Variants in CREB5 observed in about 807,000 individuals in gnomAD.
CREB5 encodes cyclic AMP-responsive element-binding protein 5.
In CREB5, 19 loss-of-function variants were observed where a neutral mutation model predicts 57.1. The observed-to-expected ratio is 0.33, with a 90% CI of 0.23 to 0.49. The LOEUF (loss-of-function observed/expected upper bound fraction) is 0.49. Among genes scored for constraint, CREB5 ranks in the 20% least tolerant of loss-of-function variants. The probability of loss-of-function intolerance (pLI) is 0.99; values close to 1 mark genes in which losing one functional copy is unlikely to be tolerated. For missense variants in CREB5, 579 were observed against 671.6 expected (o/e 0.86, Z 1.52); for synonymous variants, 238 against 238.3 (o/e 1.00, Z 0.01).
chr7:28,456,233 A>G (rs1456927295), intron 1 of CREB5, among the ~76,000 whole-genome samples: 1 of 63,918 alleles, frequency 1.6e-5, no homozygotes, highest in Admixed American at 1.6e-4. Flanking sequence ...AAAGGCTGAG[A>G]GGATTGATTT....
At chr7:28,742,858 T>C (rs1312267551) in intron 7 of CREB5, among the ~76,000 whole-genome samples, 2 of 152,128 alleles carry the variant, frequency 1.3e-5, no homozygotes, top group Non-Finnish European at 2.9e-5. Context: ...TCTTGGCTCA[T>C]TGCAACCTCT....
chr7:28,364,466 TCA>T (rs1786549191), intron 1 of CREB5, among the ~76,000 whole-genome samples: 2 of 152,350 alleles, frequency 1.3e-5, no homozygotes, highest in South Asian at 4.2e-4. Flanking sequence ...AGCTAAATCC[TCA>T]GGACTTTAGA....
Position 28,560,987 on chromosome 7 carries a change from T to TGTGCGTGTGTGCGCGTGTGTGCGCGTGC in CREB5, c.292-9375_292-9374insCGTGTGTGCGCGTGTGTGCGCGTGCGTG, listed in dbSNP as rs1795231560. On this transcript the variant is annotated intron_variant, in intron 4 of 10. Coordinates refer to ENST00000357727, the MANE Select transcript of CREB5 (RefSeq NM_182898.4). Reference sequence around the variant, plus strand: ...GTGTGTGTGTGCGTGTGTGCGTGCGTGTGTGTGCCTGCGTGTGCGTGTGTG... The same window carrying TGTGCGTGTGTGCGCGTGTGTGCGCGTGC: ...GTGTGTGTGTGCGTGTGTGCGTGCGTGTGCGTGTGTGCGCGTGTGTGCGCGTGCGTGTGTGCCTGCGTGTGCGTGTGTG... 1.2e-3 allele frequency among the ~76,000 whole-genome samples: 79 copies of TGTGCGTGTGTGCGCGTGTGTGCGCGTGC among 64,490 alleles called. 13 individuals are homozygous for TGTGCGTGTGTGCGCGTGTGTGCGCGTGC. Among genetic ancestry groups the TGTGCGTGTGTGCGCGTGTGTGCGCGTGC allele is most frequent in the Admixed American group, 3.1e-3 (17 of 5,514 alleles). The allele number at this position is 64,490 out of a possible 152,430, so 42.3% of individuals were successfully genotyped here. A position where few individuals can be genotyped will look rare whatever the true frequency, so the allele number is the denominator to read the frequency against.
At chr7:28,480,025 TCC>T (rs34368133) in intron 1 of CREB5, among the ~76,000 whole-genome samples, 29 of 149,192 alleles carry the variant, frequency 1.9e-4, no homozygotes, top group African/African-American at 4.9e-4. Flanking sequence ...ATCCAAAACC[TCC>T]CCCCCCCCAC....
At chr7:28,681,449 A>G (rs547603430) in intron 5 of CREB5, among the ~76,000 whole-genome samples, 1 of 152,140 alleles carries the variant, frequency 6.6e-6, no homozygotes, top group Admixed American at 6.5e-5. Context: ...GCCTCACTGT[A>G]GTCTTGAACT....
chr7:28,450,391 T>C (rs1469562824), intron 1 of CREB5, among the ~76,000 whole-genome samples: 1 of 152,226 alleles, frequency 6.6e-6, no homozygotes, highest in Non-Finnish European at 1.5e-5. Flanking sequence ...TTCTAAAGCG[T>C]GATACCTGCT....
chr7:28,502,996 T>A (rs1242097091), intron 3 of CREB5, among the ~76,000 whole-genome samples: 1 of 152,252 alleles, frequency 6.6e-6, no homozygotes, highest in Admixed American at 6.5e-5. Context: ...ATTTTTCTTG[T>A]CATTTAGTTT....
chr7:28,345,708 G>T (rs753169333), intron 1 of CREB5, among the ~76,000 whole-genome samples: 2 of 152,214 alleles, frequency 1.3e-5, no homozygotes, highest in Admixed American at 6.5e-5. Context: ...GTCGGGAGGT[G>T]ATTGGGATTG....
At chr7:28,759,708 C>T (rs1805536962) in intron 7 of CREB5, among the ~76,000 whole-genome samples, 1 of 152,194 alleles carries the variant, frequency 6.6e-6, no homozygotes, top group African/African-American at 2.4e-5. Flanking sequence ...GGGTCACTTG[C>T]CTTTGTATAG....
intron 4 of CREB5, among the ~76,000 whole-genome samples, chr7:28,548,145 C>T (rs1794487129): frequency 1.3e-5 from 2 of 152,114 alleles, no homozygotes. Context: ...TTGAAATTGG[C>T]CCATGAATTT....
intron 4 of CREB5, among the ~76,000 whole-genome samples, chr7:28,560,827 C>CGTGTGCGTGCGCGTGCGT (rs1562797026): frequency 1.1e-5 from 1 of 89,024 alleles, no homozygotes; most frequent in African/African-American, 4.4e-5. Context: ...TGTGTGCGCG[C>CGTGTGCGTGCGCGTGCGT]GCGCGCGTGT....
chr7:28,445,575 G>A (rs548998645), intron 1 of CREB5, among the ~76,000 whole-genome samples: 7 of 151,424 alleles, frequency 4.6e-5, no homozygotes, highest in African/African-American at 1.5e-4. Flanking sequence ...TATTTGAGAC[G>A]GAATCTCGCT....
At chr7:28,344,504 G>A (rs1297536518) in intron 1 of CREB5, among the ~76,000 whole-genome samples, 1 of 152,116 alleles carries the variant, frequency 6.6e-6, no homozygotes, top group African/African-American at 2.4e-5. Flanking sequence ...CAACTGTTCT[G>A]TGTGTCTGTT....
chr7:28,491,672 G>A lies in CREB5; in HGVS notation c.76-3234G>A, dbSNP rs139005783. Reference sequence around the variant, plus strand: ...CCTTGACAAGCTGTTATAAAAATATGTGCATTTTTCAATGGAAGAGGTGTT... The same window carrying A: ...CCTTGACAAGCTGTTATAAAAATATATGCATTTTTCAATGGAAGAGGTGTT... On this transcript the variant is annotated intron_variant, in intron 2 of 10. Coordinates refer to ENST00000357727, the MANE Select transcript of CREB5 (RefSeq NM_182898.4). Among the ~76,000 whole-genome samples, 4 of 152,302 alleles carry A rather than the reference G, an allele frequency of 2.6e-5. No individual in the cohort carries two copies. In the East Asian group the frequency reaches 7.7e-4, roughly 29 times the overall value.
chr7:28,346,770 C>A (rs1194037926), intron 1 of CREB5, among the ~76,000 whole-genome samples: 1 of 152,166 alleles, frequency 6.6e-6, no homozygotes, highest in Non-Finnish European at 1.5e-5. Context: ...GAGCTCCCAG[C>A]AGCTGGGAGA....
At chr7:28,315,998 C>T (rs891405764) in intron 1 of CREB5, among the ~76,000 whole-genome samples, 8 of 152,154 alleles carry the variant, frequency 5.3e-5, no homozygotes, top group Non-Finnish European at 8.8e-5. Context: ...GGGAGTTTTT[C>T]GGCAAGTGCT....
chr7:28,755,902 T>C (rs1805270181), intron 7 of CREB5, among the ~76,000 whole-genome samples: 1 of 152,172 alleles, frequency 6.6e-6, no homozygotes, highest in Non-Finnish European at 1.5e-5. Context: ...AGTGCATTCA[T>C]TCATTCATTT....
At chr7:28,693,999 A>C (rs756898511) in intron 5 of CREB5, among the ~76,000 whole-genome samples, 2 of 152,224 alleles carry the variant, frequency 1.3e-5, no homozygotes, top group Non-Finnish European at 2.9e-5. Flanking sequence ...CATTGGTCAG[A>C]AAACGAGGTT....
intron 7 of CREB5, among the ~76,000 whole-genome samples, chr7:28,764,686 G>T (rs764218804): frequency 2.0e-5 from 3 of 152,264 alleles, no homozygotes; most frequent in Non-Finnish European, 4.4e-5. Context: ...AGAAATAAAT[G>T]CTCCTCTCCA....
Sources: gnomAD v4.1 joint callset for allele counts (sites outside exome capture counted in the v4.1 genomes callset) on GRCh38, gnomAD v4.1.1 for gene constraint, MANE v1.5 for transcripts, NCBI Gene and HGNC (gene_info 2026-07-23, HGNC 2026-07-21) for gene names.